Variants in FBXL7 observed in about 807,000 individuals in gnomAD.
FBXL7 encodes F-box/LRR-repeat protein 7.
Under a neutral mutation model 38.3 loss-of-function variants are expected in FBXL7, and 12 were observed. That is an observed-to-expected ratio of 0.31 (90% CI 0.20 to 0.51). The LOEUF is 0.51. Among genes scored for constraint, FBXL7 ranks in the 20% least tolerant of loss-of-function variants. The pLI is 0.98. For missense variants in FBXL7, 567 were observed against 676.4 expected, an observed-to-expected ratio of 0.84 and a Z score of 1.79; for synonymous variants, 297 against 300.9, an observed-to-expected ratio of 0.99 and a Z score of 0.13.
chr5:15,543,702 T>TA (rs1321667478), intron 1 of FBXL7, among the ~76,000 whole-genome samples: 1 of 152,160 alleles, frequency 6.6e-6, no homozygotes, highest in African/African-American at 2.4e-5. Flanking sequence ...TGCTAAACAC[T>TA]AAAAATTAGC....
intron 2 of FBXL7, among the ~76,000 whole-genome samples, chr5:15,888,747 C>A (rs533657905): frequency 6.6e-6 from 1 of 152,062 alleles, no homozygotes; most frequent in South Asian, 2.1e-4. Flanking sequence ...CTCTACTTTA[C>A]AAAAAAATGG....
chr5:15,620,060 T>TCA (rs1740577089), intron 2 of FBXL7, among the ~76,000 whole-genome samples: 1 of 152,138 alleles, frequency 6.6e-6, no homozygotes, highest in Admixed American at 6.5e-5. Context: ...GGAAGAATGT[T>TCA]ACTGGGGAGA....
chr5:15,772,629 T>G (rs2126712224), intron 2 of FBXL7, among the ~76,000 whole-genome samples: 1 of 152,238 alleles, frequency 6.6e-6, no homozygotes, highest in African/African-American at 2.4e-5. Context: ...AATAATACCC[T>G]CTTCATGGTG....
At chr5:15,585,061 A>C (rs1739263307) in intron 1 of FBXL7, among the ~76,000 whole-genome samples, 1 of 152,226 alleles carries the variant, frequency 6.6e-6, no homozygotes, top group Non-Finnish European at 1.5e-5. Flanking sequence ...ATAATTTATA[A>C]TTAATTATTA....
In FBXL7 at chr5:15,879,387, T is replaced by C. The variant is rs377715932; in HGVS notation, c.128-48503T>C. Among the ~76,000 whole-genome samples the C allele has an allele frequency of 1.2e-4, 19 of 152,254 alleles. 1 individual carries two copies. The highest frequency in any genetic ancestry group is 3.6e-4 in the African/African-American group (15 of 41,562). The stretch of plus-strand genomic sequence containing the variant: ...ACCAGGAATGAAGAACACGTGTCCC[T>C]AGGGGAGTCTGCACCATACTTAGCC... On this transcript the variant is annotated intron_variant, in intron 2 of 3. Transcript: ENST00000504595.
chr5:15,688,142 C>T (rs763221480), intron 2 of FBXL7, among the ~76,000 whole-genome samples: 21 of 152,078 alleles, frequency 1.4e-4, no homozygotes, highest in Non-Finnish European at 3.1e-4. Flanking sequence ...TTACACAAGG[C>T]ATTATATGAT....
At chr5:15,665,422 A>G (rs1300030384) in intron 2 of FBXL7, among the ~76,000 whole-genome samples, 6 of 152,210 alleles carry the variant, frequency 3.9e-5, no homozygotes, top group Admixed American at 3.3e-4. Flanking sequence ...GTGATCTGCC[A>G]AAGTTAAAAG....
intron 1 of FBXL7, among the ~76,000 whole-genome samples, chr5:15,534,528 A>G (rs1204602850): frequency 1.3e-5 from 2 of 152,208 alleles, no homozygotes; most frequent in African/African-American, 2.4e-5. Flanking sequence ...TAATATTCCA[A>G]TATCTGGAAG....
intron 2 of FBXL7, among the ~76,000 whole-genome samples, chr5:15,892,252 G>C (rs1740933824): frequency 6.6e-6 from 1 of 152,228 alleles, no homozygotes; most frequent in South Asian, 2.1e-4. Context: ...CAGCAAGGGG[G>C]TCCCTGTGAG....
chr5:15,737,058 T>TA (rs1057317380), intron 2 of FBXL7, among the ~76,000 whole-genome samples: 6 of 152,166 alleles, frequency 3.9e-5, no homozygotes, highest in Non-Finnish European at 8.8e-5. Context: ...AGAGGTCAGT[T>TA]ACTTGCCCAG....
At chr5:15,930,423 C>T (rs1561193327) in intron 3 of FBXL7, among the ~76,000 whole-genome samples, 1 of 152,130 alleles carries the variant, frequency 6.6e-6, no homozygotes, top group Non-Finnish European at 1.5e-5. Flanking sequence ...TTTTTGGAAT[C>T]CCTATCTTTG....
At chr5:15,581,059 T>C (rs1434554744) in intron 1 of FBXL7, among the ~76,000 whole-genome samples, 2 of 152,136 alleles carry the variant, frequency 1.3e-5, no homozygotes, top group Admixed American at 1.3e-4. Context: ...TCCTTACATA[T>C]AATTGAGGTC....
At chr5:15,831,674 G>C (rs1738459778) in intron 2 of FBXL7, among the ~76,000 whole-genome samples, 1 of 152,160 alleles carries the variant, frequency 6.6e-6, no homozygotes, top group Admixed American at 6.5e-5. Context: ...AAACATTGTT[G>C]GAGAACTCCA....
chr5:15,823,218 C>T (rs1367709052), intron 2 of FBXL7, among the ~76,000 whole-genome samples: 1 of 152,156 alleles, frequency 6.6e-6, no homozygotes, highest in Non-Finnish European at 1.5e-5. Flanking sequence ...AATGAGTAGA[C>T]ACATGTACAT....
At chr5:15,516,805 C>T (rs1037853568) in intron 1 of FBXL7, among the ~76,000 whole-genome samples, 1 of 152,032 alleles carries the variant, frequency 6.6e-6, no homozygotes, top group Non-Finnish European at 1.5e-5. Context: ...CCCTTTTGGT[C>T]GGCATTTCTC....
intron 2 of FBXL7, among the ~76,000 whole-genome samples, chr5:15,898,794 G>A (rs1741164801): frequency 6.6e-6 from 1 of 152,134 alleles, no homozygotes; most frequent in Admixed American, 6.5e-5. Flanking sequence ...AATACCACAT[G>A]CGTTTGCAGC....
chr5:15,793,703 T>A (rs1737335887), intron 2 of FBXL7, among the ~76,000 whole-genome samples: 1 of 152,138 alleles, frequency 6.6e-6, no homozygotes, highest in East Asian at 1.9e-4. Context: ...CTAGACTGAT[T>A]TCTTATGATA....
intron 1 of FBXL7, among the ~76,000 whole-genome samples, chr5:15,524,967 C>T (rs888810022): frequency 2.0e-5 from 3 of 152,196 alleles, no homozygotes; most frequent in Non-Finnish European, 4.4e-5. Flanking sequence ...CTACTAGGTT[C>T]AAAGTTCCCA....
intron 2 of FBXL7, among the ~76,000 whole-genome samples, chr5:15,650,209 A>C (rs944936250): frequency 6.6e-6 from 1 of 152,242 alleles, no homozygotes; most frequent in Non-Finnish European, 1.5e-5. Flanking sequence ...GTTTGGTTCC[A>C]GACCACCACA....
Sources: allele counts gnomAD v4.1 joint callset (sites outside exome capture counted in the v4.1 genomes callset), GRCh38; gene constraint gnomAD v4.1.1; transcripts MANE v1.5; gene names NCBI Gene and HGNC (gene_info 2026-07-23, HGNC 2026-07-21).